Variants in CRMP1 observed in about 807,000 individuals in gnomAD.
CRMP1 encodes collapsin response mediator protein 1, also known as dihydropyrimidinase-related protein 1.
CRMP1 carries 19 observed loss-of-function variants against 68.3 expected under a neutral mutation model. The observed-to-expected ratio is 0.28, with a 90% CI of 0.19 to 0.41. The LOEUF (loss-of-function observed/expected upper bound fraction) is 0.41, where lower values mean the gene tolerates loss of function less well. Ranked by LOEUF, CRMP1 falls within the 10% of genes least tolerant of loss-of-function variation. The probability of loss-of-function intolerance (pLI) is 1.00; values close to 1 mark genes in which losing one functional copy is unlikely to be tolerated. For synonymous variants in CRMP1, 439 were observed against 399.6 expected (o/e 1.10, Z -1.18); for missense variants, 791 against 967.4 (o/e 0.82, Z 2.42).
rs146975761 is a variant in CRMP1 at position 5,881,789 on chromosome 4, T to C, written c.381+10800A>G. Among the ~76,000 whole-genome samples the C allele has an allele frequency of 5.0e-3, 761 of 152,252 alleles. 5 individuals carry two copies. Among genetic ancestry groups the C allele is most frequent in the South Asian group, 0.022 (108 of 4,824 alleles). On this transcript the variant is annotated intron_variant, in intron 1 of 13. Coordinates refer to ENST00000324989, the MANE Select transcript of CRMP1 (RefSeq NM_001014809.3). This position sits in a 1 kb window ranked among gnomAD's most constrained non-coding sequence, Gnocchi z 4.6. ...TTTAGCCACACATCGGCAGAGAATTTTTTTGAGTACACCACTGTGCTCACA... is the reference window on the plus strand; with the variant it reads ...TTTAGCCACACATCGGCAGAGAATTCTTTTGAGTACACCACTGTGCTCACA...
rs114572973 is a variant in CRMP1, at chr4:5,861,439, G to C, written c.471-229C>G. On this transcript the variant is annotated intron_variant, in intron 2 of 13. Coordinates refer to ENST00000324989, the MANE Select transcript of CRMP1 (RefSeq NM_001014809.3). The surrounding 1 kb of genome is among the most constrained non-coding windows in gnomAD (Gnocchi z 6.0). ...AGAGCCCAGTATAGCAGAGATGATCGGGGGCACGAGGAGGGGCCCTTTCAT... is the reference window on the plus strand; with the variant it reads ...AGAGCCCAGTATAGCAGAGATGATCCGGGGCACGAGGAGGGGCCCTTTCAT... 2.0e-5 allele frequency among the ~76,000 whole-genome samples: 3 copies of C among 152,112 alleles called. No homozygotes were observed. Among genetic ancestry groups the C allele is most frequent in the East Asian group, 1.9e-4 (1 of 5,188 alleles).
chr4:5,885,356 G>C (rs745594235), intron 1 of CRMP1, among the ~76,000 whole-genome samples: 1 of 152,140 alleles, frequency 6.6e-6, no homozygotes, highest in Non-Finnish European at 1.5e-5. Flanking sequence ...AAGCAGGTGG[G>C]GACCTGGGGA....
chr4:5,836,992 C>T (rs1462727992), intron 9 of CRMP1, 86 bp from the exon 10 acceptor site: 1 of 1,437,362 alleles, frequency 7.0e-7, no homozygotes. Flanking sequence ...TGCAGCACAG[C>T]CAGTGAATGA....
In CRMP1 at chr4:5,882,264, T is replaced by C. The variant is rs193192364; in HGVS notation, c.381+10325A>G. Among the ~76,000 whole-genome samples, 6 of 152,356 alleles carry C rather than the reference T, an allele frequency of 3.9e-5. No individual in the cohort carries two copies. The East Asian group carries it at 1.2e-3, about 29-fold the overall frequency. ...TAGAAGTTCTTAAAGATATTTCAGG[T>C]TGCTGCCAATCTCTTGTGCTTTTCT... On this transcript the variant is annotated intron_variant, in intron 1 of 13. Coordinates refer to ENST00000324989, the MANE Select transcript of CRMP1 (RefSeq NM_001014809.3).
intron 1 of CRMP1, among the ~76,000 whole-genome samples, chr4:5,871,855 C>G (rs1266326313): frequency 6.6e-6 from 1 of 152,198 alleles, no homozygotes; most frequent in Non-Finnish European, 1.5e-5. Flanking sequence ...TACTTTCCCA[C>G]AGAAGAGACC....
At chr4:5,868,753 C>G (rs891285618) in intron 1 of CRMP1, among the ~76,000 whole-genome samples, 6 of 152,090 alleles carry the variant, frequency 3.9e-5, no homozygotes, top group Non-Finnish European at 8.8e-5. Context: ...CTTTTTTGTG[C>G]ACAAAACTCC....
chr4:5,892,754 C>A lies in CRMP1; in HGVS notation c.216G>T (p.Ala72=). 1 of 1,228,430 alleles carries A rather than the reference C, an allele frequency of 8.1e-7. No individual in the cohort carries two copies. Among genetic ancestry groups the A allele is most frequent in the Non-Finnish European group, 1.0e-6 (1 of 987,038 alleles). The allele number at this position is 1,228,430 out of a possible 1,614,324, so 76.1% of individuals were successfully genotyped here. The stretch of plus-strand genomic sequence containing the variant: ...TGCCTCCCGGCCCTGGCAGCCCGAC[C>A]GCGTCGGGCCGGCCAGCGCTGCGCG... ...RTPRSAGRPD[A]VGLPGPGGSE... The change falls in exon 1 of 14, where the codon GCG becomes GCT. Residue 72 remains alanine (A), a synonymous_variant. Transcript: ENST00000324989. The surrounding 1 kb of genome is among the most constrained non-coding windows in gnomAD (Gnocchi z 8.6).
rs895402322 is a variant in CRMP1, at chr4:5,881,158, G to A, written c.381+11431C>T. Among the ~76,000 whole-genome samples the A allele has an allele frequency of 1.5e-4, 23 of 152,342 alleles. No homozygotes were observed. The highest frequency in any genetic ancestry group is 6.8e-3 in the Middle Eastern group (2 of 294). On this transcript the variant is annotated intron_variant, in intron 1 of 13. Transcript: ENST00000324989. The surrounding 1 kb of genome is among the most constrained non-coding windows in gnomAD (Gnocchi z 4.6). ...TGCCTGGGACACAGGCCCAAGGAAG[G>A]AGTGGGGAACTACAACCTCATATAT...
rs138589169 is a variant in CRMP1, at chr4:5,842,945, T to TC, written c.1032+147dup. ...TTCTCCAGCCAGCAGTCCCCAGGGT[T>TC]CCCGGGGAAAACAAGATGGTTTGGG... is the stretch of plus-strand genomic sequence containing the variant. On this transcript the variant is annotated intron_variant, in intron 7 of 13. Coordinates refer to ENST00000324989, the MANE Select transcript of CRMP1 (RefSeq NM_001014809.3). The surrounding 1 kb of genome is among the most constrained non-coding windows in gnomAD (Gnocchi z 4.5). 1,629 of 745,950 alleles carry TC rather than the reference T, an allele frequency of 2.2e-3. 24 individuals carry two copies. The African/African-American group carries it at 0.025, about 11-fold the overall frequency. 46.2% of individuals were successfully genotyped at this position (745,950 alleles called of 1,614,324 possible). A position where few individuals can be genotyped will look rare whatever the true frequency, so the allele number is the denominator to read the frequency against.
rs532035798 is a variant in CRMP1, at chr4:5,825,798, C to A, written c.1804-139G>T. ...CATGCACACACACACACAACACGCA[C>A]ACACGACAGGTGCACTTCACACACA... On this transcript the variant is annotated intron_variant, in intron 12 of 13. Transcript: ENST00000324989. The surrounding 1 kb of genome is among the most constrained non-coding windows in gnomAD (Gnocchi z 4.4). 2 of 783,512 alleles carry A rather than the reference C, an allele frequency of 2.6e-6. No homozygotes were observed. The highest frequency in any genetic ancestry group is 4.1e-6 in the Non-Finnish European group (2 of 489,414). The allele number at this position is 783,512 out of a possible 1,614,324, so 48.5% of individuals were successfully genotyped here. A position where few individuals can be genotyped will look rare whatever the true frequency, so the allele number is the denominator to read the frequency against.
Position 5,854,274 on chromosome 4 carries a change from G to A in CRMP1, c.820+1869C>T, listed in dbSNP as rs1391530624. 4.6e-5 allele frequency among the ~76,000 whole-genome samples: 7 copies of A among 151,916 alleles called. No homozygotes were observed. The highest frequency in any genetic ancestry group is 7.3e-5 in the African/African-American group (3 of 41,342). On this transcript the variant is annotated intron_variant, in intron 4 of 13. Coordinates refer to ENST00000324989, the MANE Select transcript of CRMP1 (RefSeq NM_001014809.3). This position sits in a 1 kb window ranked among gnomAD's most constrained non-coding sequence, Gnocchi z 4.0. ...TAATGCCTTTTTCTTTTAAAAGATA[G>A]GGTCTCACTCTATGAGCCAGGCTGG...
chr4:5,827,589 G>C (rs772407276), intron 12 of CRMP1, among the ~76,000 whole-genome samples: 6 of 151,738 alleles, frequency 4.0e-5, no homozygotes, highest in South Asian at 2.1e-4. Flanking sequence ...CACACACACA[G>C]AGCTCACCAC....
In CRMP1 at chr4:5,836,816, C is replaced by T; in HGVS notation, c.1401G>A (p.Glu467=). Residue 467 remains glutamate, a synonymous_variant, in exon 10 of 14, where the codon GAG becomes GAA. Coordinates refer to ENST00000324989, the MANE Select transcript of CRMP1 (RefSeq NM_001014809.3). ...TCCGCTCCTCTATCCCGTTGACACC[C>T]TCGGGGATCAGGGTAAAGTTGTCCT... ...VGKDNFTLIP[E]GVNGIEERMT... 1 of 1,614,066 alleles carries T rather than the reference C, an allele frequency of 6.2e-7. No homozygotes were observed. The highest frequency in any genetic ancestry group is 8.5e-7 in the Non-Finnish European group (1 of 1,179,912).
intron 1 of CRMP1, among the ~76,000 whole-genome samples, chr4:5,878,697 A>C (rs1715018241): frequency 6.6e-6 from 1 of 152,324 alleles, no homozygotes; most frequent in Middle Eastern, 3.4e-3. Flanking sequence ...AAACTCTGTC[A>C]CATGGGTGAG....
rs894171748 is a variant in CRMP1 at position 5,888,058 on chromosome 4, G to C, written c.381+4531C>G. ...GGCTCCCCCACCCCCATTGTCCCCA[G>C]AGGCTGGGGGAGGGGGCTGAAATCC... On this transcript the variant is annotated intron_variant, in intron 1 of 13. Transcript: ENST00000324989. The surrounding 1 kb of genome is among the most constrained non-coding windows in gnomAD (Gnocchi z 6.4). Among the ~76,000 whole-genome samples, 2 of 151,898 alleles carry C rather than the reference G, an allele frequency of 1.3e-5. No individual in the cohort carries two copies. The highest frequency in any genetic ancestry group is 4.8e-5 in the African/African-American group (2 of 41,400).
chr4:5,846,156 C>A (rs112408646), intron 6 of CRMP1, among the ~76,000 whole-genome samples: 2 of 152,178 alleles, frequency 1.3e-5, no homozygotes, highest in East Asian at 3.9e-4. Flanking sequence ...ATTAGCTAGG[C>A]GTGGTGGCGC....
intron 1 of CRMP1, chr4:5,887,623 T>C: frequency 1.0e-6 from 1 of 984,950 alleles, no homozygotes; most frequent in East Asian, 1.1e-4. Flanking sequence ...ACATTAACCC[T>C]TCCCGGGCCG....
chr4:5,873,432 C>T (rs1048879352), intron 1 of CRMP1, among the ~76,000 whole-genome samples: 4 of 151,784 alleles, frequency 2.6e-5, no homozygotes, highest in Non-Finnish European at 5.9e-5. Context: ...ATTCTGCAGG[C>T]TGTACAGGAA....
rs924433458 is a variant in CRMP1 at position 5,888,030 on chromosome 4, C to A, written c.381+4559G>T. On this transcript the variant is annotated intron_variant, in intron 1 of 13. Transcript: ENST00000324989. This position sits in a 1 kb window ranked among gnomAD's most constrained non-coding sequence, Gnocchi z 6.4. ...CCGGCTCCAGCCCCGCCCCGCCATG[C>A]GGGGCTCCCCCACCCCCATTGTCCC... 9.9e-5 allele frequency among the ~76,000 whole-genome samples: 15 copies of A among 151,998 alleles called. No homozygotes were observed. The highest frequency in any genetic ancestry group is 2.9e-4 in the African/African-American group (12 of 41,526).
Sources: allele counts gnomAD v4.1 joint callset (sites outside exome capture counted in the v4.1 genomes callset), GRCh38; gene constraint gnomAD v4.1.1; non-coding constraint Gnocchi (gnomAD v3.1); transcripts MANE v1.5; gene names NCBI Gene and HGNC (gene_info 2026-07-23, HGNC 2026-07-21).